The following ABCA1 variants were observed in gnomAD, a reference collection of about 807,000 sequenced individuals.
ABCA1 encodes the protein phospholipid-transporting ATPase ABCA1.
ABCA1 carries 133 observed loss-of-function variants against 262.5 expected under a neutral mutation model. The observed-to-expected ratio is 0.51, with a 90% CI of 0.44 to 0.59. The LOEUF (loss-of-function observed/expected upper bound fraction) is 0.59, where lower values mean the gene tolerates loss of function less well. Ranked by LOEUF, ABCA1 falls within the 20% of genes least tolerant of loss-of-function variation. The probability of loss-of-function intolerance (pLI) is 0.00; values close to 1 mark genes in which losing one functional copy is unlikely to be tolerated. For missense variants in ABCA1, 2,452 were observed against 2,777.5 expected, an observed-to-expected ratio of 0.88 and a Z score of 2.63; for synonymous variants, 1,022 against 1,043.5, an observed-to-expected ratio of 0.98 and a Z score of 0.40.
At position 104,837,471 on chromosome 9, in the gene ABCA1, AG is replaced by A. The variant is rs1464968884; in HGVS notation, c.1150del (p.Leu384CysfsTer16). 6.2e-7 allele frequency: 1 copy of A among 1,614,114 alleles called. No individual in the cohort carries two copies. The highest frequency in any genetic ancestry group is 1.7e-5 in the Admixed American group (1 of 60,022). ...TGTGGCTGGAGTGTCAGGTGTATAC[AG>A]GATCTTCCCAACGAGCAGCGGCTTC... ...ALKPLLVGKI[L>X]YTPDTPATRQ... is the part of the protein sequence containing the mutation. On this transcript the variant is annotated frameshift_variant, in exon 10 of 50. Coordinates refer to ENST00000374736, the MANE Select transcript of ABCA1 (RefSeq NM_005502.4). LOFTEE classifies it high-confidence loss of function.
chr9:104,793,009 G>A (rs767459246), intron 41 of ABCA1, 103 bp from the exon 42 acceptor site: 49 of 1,593,496 alleles, frequency 3.1e-5, no homozygotes, highest in Non-Finnish European at 4.0e-5. Context: ...ACAGTCTCCA[G>A]GATGGGCAGG....
At chr9:104,827,855 C>T (rs1832936543) in intron 15 of ABCA1, among the ~76,000 whole-genome samples, 1 of 152,164 alleles carries the variant, frequency 6.6e-6, no homozygotes, top group African/African-American at 2.4e-5. Flanking sequence ...CTTCCTGAGC[C>T]TCATTTCCTT....
intron 2 of ABCA1, among the ~76,000 whole-genome samples, chr9:104,901,259 G>T (rs1840646138): frequency 6.6e-6 from 1 of 152,202 alleles, no homozygotes. Flanking sequence ...ACAGAATGAG[G>T]CTCGGCCCTA....
At position 104,894,689 on chromosome 9, in the gene ABCA1, C is replaced by A. The variant is rs189809557; in HGVS notation, c.67-5494G>T. On this transcript the variant is annotated intron_variant, in intron 2 of 49. Transcript: ENST00000374736. Reference sequence around the variant, plus strand: ...TTCTCTTCGCCATTATGGACCCCAACCTCCTTATGCACTTTGCCTTCACTT... The same window carrying A: ...TTCTCTTCGCCATTATGGACCCCAAACTCCTTATGCACTTTGCCTTCACTT... 2.3e-3 allele frequency among the ~76,000 whole-genome samples: 343 copies of A among 152,324 alleles called. 6 individuals are homozygous for A. The highest frequency in any genetic ancestry group is 7.6e-4 in the Non-Finnish European group (52 of 68,038).
At chr9:104,819,032 G>A (rs901345202) in intron 22 of ABCA1, 149 bp from the exon 23 acceptor site, 2 of 760,458 alleles carry the variant, frequency 2.6e-6, no homozygotes, top group African/African-American at 3.5e-5. Context: ...ATGACCCCTA[G>A]AATGGCAAAG....
intron 31 of ABCA1, among the ~76,000 whole-genome samples, chr9:104,805,870 C>T (rs1021357432): frequency 3.3e-5 from 5 of 152,144 alleles, no homozygotes; most frequent in African/African-American, 7.2e-5. Flanking sequence ...TTTGGGAGGC[C>T]GAGGCGGGTG....
At chr9:104,892,095 T>A (rs1183611708) in intron 2 of ABCA1, among the ~76,000 whole-genome samples, 1 of 149,100 alleles carries the variant, frequency 6.7e-6, no homozygotes, top group African/African-American at 2.5e-5. Context: ...CATAAAACTA[T>A]CAAGAATAGT....
In ABCA1 at chr9:104,828,943, G is replaced by A. The variant is rs199980051; in HGVS notation, c.2088C>T (p.Ser696=). 2.9e-4 allele frequency: 470 copies of A among 1,614,008 alleles called. 1 individual carries two copies. The highest frequency in any genetic ancestry group is 3.6e-4 in the Non-Finnish European group (423 of 1,180,044). Residue 696 remains serine (S), a synonymous_variant, in exon 15 of 50, where the codon AGC becomes AGT. Coordinates refer to ENST00000374736, the MANE Select transcript of ABCA1 (RefSeq NM_005502.4). ...TCAGGATGACCACTAGCAGGCCAGC[G>A]CTCACAAGAAGAGGAATGAGGCTAC... ...FISSLIPLLV[S]AGLLVVILKL... is the part of the protein sequence containing the mutation.
At chr9:104,820,676 A>G (rs1384795735) in intron 20 of ABCA1, among the ~76,000 whole-genome samples, 2 of 152,200 alleles carry the variant, frequency 1.3e-5, no homozygotes, top group East Asian at 3.9e-4. Flanking sequence ...CAAATGTCTT[A>G]AGCAGCAAAT....
chr9:104,836,916 G>T, intron 11 of ABCA1, 64 bp downstream of exon 11: 1 of 1,308,282 alleles, frequency 7.6e-7, no homozygotes. Context: ...ACCTGGGAAA[G>T]TGACCAGAAA....
rs546796923 is a variant in ABCA1 at position 104,918,007 on chromosome 9, T to C, written c.-93+9928A>G. On this transcript the variant is annotated intron_variant, in intron 1 of 49. Transcript: ENST00000374736. ...TCAAATATAAAGTTATTTTAAAATATATTGATGATTACAAAAATTTGAGTC... is the reference window on the plus strand; with the variant it reads ...TCAAATATAAAGTTATTTTAAAATACATTGATGATTACAAAAATTTGAGTC... Among the ~76,000 whole-genome samples, 3 of 152,348 alleles carry C rather than the reference T, an allele frequency of 2.0e-5. No homozygotes were observed. In the East Asian group the frequency reaches 5.8e-4, roughly 29 times the overall value.
intron 2 of ABCA1, among the ~76,000 whole-genome samples, chr9:104,897,223 T>G (rs950757871): frequency 6.6e-6 from 1 of 152,060 alleles, no homozygotes; most frequent in Admixed American, 6.5e-5. Context: ...AGAAAAATGC[T>G]AGAGAGGGGA....
intron 5 of ABCA1, among the ~76,000 whole-genome samples, chr9:104,880,869 G>A (rs1742956053): frequency 6.6e-6 from 1 of 152,168 alleles, no homozygotes; most frequent in African/African-American, 2.4e-5. Context: ...TCTCAAAGAA[G>A]GCCAGGCATG....
intron 2 of ABCA1, among the ~76,000 whole-genome samples, chr9:104,891,385 C>T (rs1371641611): frequency 6.6e-6 from 1 of 151,200 alleles, no homozygotes; most frequent in African/African-American, 2.4e-5. Flanking sequence ...CATGGTGAAA[C>T]CCCATCTCTA....
In ABCA1 at chr9:104,899,692, T is replaced by TA. The variant is rs879647826; in HGVS notation, c.66+3921dup. On this transcript the variant is annotated intron_variant, in intron 2 of 49. Transcript: ENST00000374736. ...CTGGGCAATAGAGTGAGACTCAGTTTAAAAAAAAAAAAATCACAATTAACT... is the reference window on the plus strand; with the variant it reads ...CTGGGCAATAGAGTGAGACTCAGTTTAAAAAAAAAAAAAATCACAATTAACT... Among the ~76,000 whole-genome samples, 330 of 145,104 alleles carry TA rather than the reference T, an allele frequency of 2.3e-3. 1 individual carries two copies. Among genetic ancestry groups the TA allele is most frequent in the Non-Finnish European group, 3.1e-3 (202 of 65,758 alleles).
intron 2 of ABCA1, among the ~76,000 whole-genome samples, chr9:104,902,144 A>G (rs1840719572): frequency 6.6e-6 from 1 of 152,212 alleles, no homozygotes; most frequent in African/African-American, 2.4e-5. Flanking sequence ...ATTATATTTA[A>G]GTTCTCTAAG....
At chr9:104,923,366 T>C (rs1842252669) in intron 1 of ABCA1, among the ~76,000 whole-genome samples, 1 of 152,240 alleles carries the variant, frequency 6.6e-6, no homozygotes, top group East Asian at 1.9e-4. Context: ...AGCAATAGTA[T>C]AGTTTTCATT....
rs1828525530 is a variant in ABCA1, at chr9:104,781,169, T to C, written c.*3146A>G. ...ACTTAGAAATCTGTTGTGAAACTTT[T>C]GTCTAGTTTTGCAATTCTCAGATAT... On this transcript the variant is annotated 3_prime_UTR_variant, in exon 50 of 50. Transcript: ENST00000374736. 1 of 152,636 alleles carries C rather than the reference T, an allele frequency of 6.6e-6. No individual in the cohort carries two copies. The highest frequency in any genetic ancestry group is 1.5e-5 in the Non-Finnish European group (1 of 68,030). 9.5% of individuals were successfully genotyped at this position (152,636 alleles called of 1,614,324 possible).
intron 37 of ABCA1, among the ~76,000 whole-genome samples, chr9:104,796,778 G>A (rs2777799): frequency 0.87 from 131,612 of 152,130 alleles, 57,143 homozygotes; most frequent in East Asian, 1. Context: ...TGTCTGTTTC[G>A]TCATTAATGC....
Sources: gnomAD v4.1 joint callset for allele counts (sites outside exome capture counted in the v4.1 genomes callset) on GRCh38, gnomAD v4.1.1 for gene constraint, MANE v1.5 for transcripts, NCBI Gene and HGNC (gene_info 2026-07-23, HGNC 2026-07-21) for gene names.